The following SEC14L1 variants were observed in gnomAD, a reference collection of about 807,000 sequenced individuals.
SEC14L1 encodes SEC14-like protein 1.
Under a neutral mutation model 85.3 loss-of-function variants are expected in SEC14L1, and 48 were observed. The observed-to-expected ratio is 0.56, with a 90% CI of 0.45 to 0.72. The LOEUF (loss-of-function observed/expected upper bound fraction) is 0.72. Ranked by LOEUF, SEC14L1 falls within the 30% of genes least tolerant of loss-of-function variation. SEC14L1 has a pLI of 0.00. For synonymous variants in SEC14L1, 391 were observed against 355.5 expected (o/e 1.10, Z -1.12); for missense variants, 682 against 921.4 (o/e 0.74, Z 3.36).
rs1289474552 is a variant in SEC14L1, at chr17:77,213,385, C to T, written c.1935C>T (p.Ala645=). The T allele has an allele frequency of 6.2e-6, 10 of 1,613,502 alleles. No homozygotes were observed. The highest frequency in any genetic ancestry group is 1.7e-5 in the Admixed American group (1 of 60,012). The part of the protein sequence containing the change: ...QWKFHSMPAC[A]ASSLPRVDDV... The stretch of plus-strand genomic sequence containing the variant: ...AATTCCACAGCATGCCTGCGTGCGC[C>T]GCCAGCAGCCTTCCCCGGGTGGACG... Residue 645 remains alanine (A), a synonymous_variant, in exon 16 of 17, where the codon GCC becomes GCT. Transcript: ENST00000436233. The surrounding 1 kb of genome is among the most constrained non-coding windows in gnomAD (Gnocchi z 7.1).
chr17:77,148,354 C>T (rs1015740958), intron 3 of SEC14L1, among the ~76,000 whole-genome samples: 16 of 152,208 alleles, frequency 1.1e-4, no homozygotes, highest in African/African-American at 3.6e-4. Flanking sequence ...CTTTCTTCTG[C>T]TGAGGACAGC....
chr17:77,192,158 A>G lies in SEC14L1; in HGVS notation c.345+846A>G, dbSNP rs77657950. Among the ~76,000 whole-genome samples, 530 of 152,308 alleles carry G rather than the reference A, an allele frequency of 3.5e-3. 1 individual carries two copies. The highest frequency in any genetic ancestry group is 0.012 in the African/African-American group (493 of 41,566). On this transcript the variant is annotated intron_variant, in intron 5 of 16. Coordinates refer to ENST00000436233, the MANE Select transcript of SEC14L1 (RefSeq NM_001143998.2). ...TACTGTAATATGTTAGAAATATCTA[A>G]TGAAGGACTAAGATGTGTGCCTTTA... is the stretch of plus-strand genomic sequence containing the variant.
At chr17:77,191,865 C>T (rs946426723) in intron 5 of SEC14L1, among the ~76,000 whole-genome samples, 4 of 151,330 alleles carry the variant, frequency 2.6e-5, no homozygotes, top group African/African-American at 4.9e-5. Context: ...GGCACAGTCT[C>T]AGCTCACTGC....
chr17:77,105,177 G>A (rs139339477), intron 3 of SEC14L1, among the ~76,000 whole-genome samples: 50 of 152,216 alleles, frequency 3.3e-4, no homozygotes, highest in African/African-American at 1.1e-3. Context: ...TTGGCCCTAA[G>A]CAGTTTCCAG....
intron 3 of SEC14L1, among the ~76,000 whole-genome samples, chr17:77,167,275 C>A (rs919918322): frequency 6.6e-6 from 1 of 151,350 alleles, no homozygotes; most frequent in Non-Finnish European, 1.5e-5. Context: ...GCTGGGATTA[C>A]AAGCACGCAG....
intron 3 of SEC14L1, among the ~76,000 whole-genome samples, chr17:77,102,551 T>C (rs1156263755): frequency 6.6e-6 from 1 of 152,172 alleles, no homozygotes; most frequent in African/African-American, 2.4e-5. Context: ...TTGCCCAGCC[T>C]GGAGTGCAGT....
chr17:77,178,685 G>A lies in SEC14L1; in HGVS notation c.64-12118G>A, dbSNP rs146581911. ...ACGGAGCATGCAGCTTACAGAGCGT[G>A]CAGCCTCAATCCCTTGTGTGTGCAG... On this transcript the variant is annotated intron_variant, in intron 3 of 16. Coordinates refer to ENST00000436233, the MANE Select transcript of SEC14L1 (RefSeq NM_001143998.2). 2.0e-5 allele frequency among the ~76,000 whole-genome samples: 3 copies of A among 152,330 alleles called. No homozygotes were observed. In the East Asian group the frequency reaches 5.8e-4, roughly 29 times the overall value.
At chr17:77,167,894 C>CA (rs1312795522) in intron 3 of SEC14L1, among the ~76,000 whole-genome samples, 2 of 152,150 alleles carry the variant, frequency 1.3e-5, no homozygotes, top group Non-Finnish European at 2.9e-5. Context: ...CTCAGCAAGG[C>CA]AATTTACTTC....
In SEC14L1 at chr17:77,206,754, C is replaced by G; in HGVS notation, c.1368C>G (p.Thr456=). Residue 456 remains threonine (T), a synonymous_variant, in exon 13 of 17, where the codon ACC becomes ACG. Transcript: ENST00000436233. This position sits in a 1 kb window ranked among gnomAD's most constrained non-coding sequence, Gnocchi z 4.3. ...TTAGTCCGTTCATTGATGACAACAC[C>G]AGAAGGAAGTTCCTCATTTATGCAG... ...TLVSPFIDDN[T]RRKFLIYAGN... is the part of the protein sequence containing the mutation. The G allele has an allele frequency of 6.2e-7, 1 of 1,611,896 alleles. No individual in the cohort carries two copies. The highest frequency in any genetic ancestry group is 8.5e-7 in the Non-Finnish European group (1 of 1,179,372).
At chr17:77,125,390 T>A (rs1972419011) in intron 3 of SEC14L1, among the ~76,000 whole-genome samples, 1 of 151,756 alleles carries the variant, frequency 6.6e-6, no homozygotes, top group South Asian at 2.1e-4. Context: ...TCACTCAGCA[T>A]TCTAAAATTT....
At chr17:77,103,392 C>G (rs561614865) in intron 3 of SEC14L1, among the ~76,000 whole-genome samples, 4 of 151,792 alleles carry the variant, frequency 2.6e-5, no homozygotes, top group African/African-American at 9.7e-5. Context: ...GGATTACAGG[C>G]ATGAGCTACC....
rs1976491713 is a variant in SEC14L1, at chr17:77,206,950, T to C, written c.1476+88T>C. On this transcript the variant is annotated intron_variant, in intron 13 of 16. Transcript: ENST00000436233. This position sits in a 1 kb window ranked among gnomAD's most constrained non-coding sequence, Gnocchi z 4.3. ...GATTTGCACAAATGATTTTCAGAAC[T>C]TCCAGTTGTTTGGATGTTTTGTTTT... 7 of 1,308,896 alleles carry C rather than the reference T, an allele frequency of 5.3e-6. No homozygotes were observed. Among genetic ancestry groups the C allele is most frequent in the Non-Finnish European group, 7.2e-6 (7 of 977,096 alleles). The allele number at this position is 1,308,896 out of a possible 1,614,324, so 81.1% of individuals were successfully genotyped here. A position where few individuals can be genotyped will look rare whatever the true frequency, so the allele number is the denominator to read the frequency against.
chr17:77,176,192 A>T (rs1974747462), intron 3 of SEC14L1, among the ~76,000 whole-genome samples: 1 of 152,156 alleles, frequency 6.6e-6, no homozygotes, highest in African/African-American at 2.4e-5. Flanking sequence ...CAGGAGGCTG[A>T]GGCAGGAGAA....
chr17:77,100,124 C>G (rs1267853868), intron 3 of SEC14L1, among the ~76,000 whole-genome samples: 2 of 152,254 alleles, frequency 1.3e-5, no homozygotes, highest in African/African-American at 4.8e-5. Flanking sequence ...AGCGGGCGTG[C>G]TGCGCTGCTT....
chr17:77,156,436 G>A (rs949695445), intron 3 of SEC14L1, among the ~76,000 whole-genome samples: 6 of 152,052 alleles, frequency 3.9e-5, no homozygotes, highest in African/African-American at 9.7e-5. Flanking sequence ...TTAGCTGGGC[G>A]TGGTGGCGTA....
chr17:77,212,079 G>T lies in SEC14L1; in HGVS notation c.1741G>T (p.Ala581Ser), dbSNP rs78105087. 1,761 of 1,614,148 alleles carry T rather than the reference G, an allele frequency of 1.1e-3. 19 individuals carry two copies. In the African/African-American group the frequency reaches 0.021, roughly 19 times the overall value. ...PQPPKKDSLGAHSITSPGGNN... is the reference protein window; with the variant it reads ...PQPPKKDSLGSHSITSPGGNN... Reference sequence around the variant, plus strand: ...ACCACCCAAAAAGGACTCCCTGGGAGCCCACAGCATCACCTCTCCGGGTGG... The same window carrying T: ...ACCACCCAAAAAGGACTCCCTGGGATCCCACAGCATCACCTCTCCGGGTGG... The change falls in exon 15 of 17, where the codon GCC (alanine) becomes TCC (serine). Residue 581 changes from alanine (A) to serine (S), a missense_variant. Ala to Ser is a moderately conservative substitution (Grantham distance 99). Transcript: ENST00000436233.
chr17:77,157,188 G>C (rs1275461879), intron 3 of SEC14L1, among the ~76,000 whole-genome samples: 1 of 152,156 alleles, frequency 6.6e-6, no homozygotes, highest in East Asian at 1.9e-4. Flanking sequence ...AGAACTAAAA[G>C]CTACAGGGTA....
intron 3 of SEC14L1, among the ~76,000 whole-genome samples, chr17:77,110,326 C>G (rs1248867141): frequency 1.3e-5 from 2 of 152,176 alleles, no homozygotes. Context: ...CTCAGCCTCC[C>G]TTTAGAGAGC....
Position 77,215,412 on chromosome 17 carries a change from G to C in SEC14L1, c.*1389G>C, listed in dbSNP as rs1238243273. 2.0e-6 allele frequency: 2 copies of C among 985,348 alleles called. No homozygotes were observed. The highest frequency in any genetic ancestry group is 2.4e-6 in the Non-Finnish European group (2 of 829,974). The allele number at this position is 985,348 out of a possible 1,614,324, so 61.0% of individuals were successfully genotyped here. A position where few individuals can be genotyped will look rare whatever the true frequency, so the allele number is the denominator to read the frequency against. On this transcript the variant is annotated 3_prime_UTR_variant, in exon 17 of 17. Transcript: ENST00000436233. The stretch of plus-strand genomic sequence containing the variant: ...GCCAAACCCCACGCGGCTGTCAACT[G>C]TGTGCGTGGTAGGCATGGAGATCCT...
Sources: gnomAD v4.1 joint callset for allele counts (sites outside exome capture counted in the v4.1 genomes callset) on GRCh38, gnomAD v4.1.1 for gene constraint, Gnocchi (gnomAD v3.1) non-coding constraint, MANE v1.5 for transcripts, NCBI Gene and HGNC (gene_info 2026-07-23, HGNC 2026-07-21) for gene names.